Variants in TENM2 observed in about 807,000 individuals in gnomAD.
TENM2 encodes the protein teneurin-2.
A neutral mutation model predicts 245.2 loss-of-function variants in TENM2; 52 were observed. That is an observed-to-expected ratio of 0.21 (90% CI 0.17 to 0.27). The LOEUF is 0.27. Among genes scored for constraint, TENM2 ranks in the 10% least tolerant of loss-of-function variants. The pLI, the probability that TENM2 is intolerant of heterozygous loss-of-function variation, is 1.00. For synonymous variants in TENM2, 1,363 were observed against 1,438.9 expected, an observed-to-expected ratio of 0.95 and a Z score of 1.19; for missense variants, 3,046 against 3,666.8, an observed-to-expected ratio of 0.83 and a Z score of 4.37.
the TENM2 span, among the ~76,000 whole-genome samples, chr5:167,218,014 CAT>C: frequency 6.6e-6 from 1 of 152,062 alleles, no homozygotes; most frequent in Non-Finnish European, 1.5e-5. Flanking sequence ...AGGGGTAAAA[CAT>C]CGCACTGAGA....
At chr5:167,495,250 T>G (rs925096378) in intron 2 of TENM2, among the ~76,000 whole-genome samples, 1 of 151,684 alleles carries the variant, frequency 6.6e-6, no homozygotes, top group South Asian at 2.1e-4. Context: ...TTTTGTTTTT[T>G]TTTTTTGCAT....
intron 2 of TENM2, among the ~76,000 whole-genome samples, chr5:167,625,165 C>T (rs1385849030): frequency 3.9e-5 from 6 of 152,262 alleles, no homozygotes; most frequent in East Asian, 1.9e-4. Context: ...ATATTCTCAT[C>T]GTAGCAACTC....
chr5:167,607,192 A>G (rs913408298), intron 2 of TENM2, among the ~76,000 whole-genome samples: 48 of 152,224 alleles, frequency 3.2e-4, no homozygotes, highest in Admixed American at 1.3e-3. Flanking sequence ...ATGTCTCTCT[A>G]CTATTAGAGA....
the TENM2 span, among the ~76,000 whole-genome samples, chr5:167,068,618 A>G: frequency 6.6e-6 from 1 of 152,216 alleles, no homozygotes; most frequent in Non-Finnish European, 1.5e-5. Flanking sequence ...GAATACTCAC[A>G]TTTCAAATAC....
At chr5:167,720,897 C>T (rs1294119081) in intron 2 of TENM2, among the ~76,000 whole-genome samples, 1 of 152,144 alleles carries the variant, frequency 6.6e-6, no homozygotes, top group African/African-American at 2.4e-5. Flanking sequence ...AGAAGAGGAT[C>T]TGGAATGAAC....
At chr5:167,034,644 A>G in the TENM2 span, among the ~76,000 whole-genome samples, 1 of 150,338 alleles carries the variant, frequency 6.7e-6, no homozygotes, top group Non-Finnish European at 1.5e-5. Flanking sequence ...AAAAAAAAAA[A>G]AAAAAAAAAG....
intron 2 of TENM2, among the ~76,000 whole-genome samples, chr5:167,573,615 A>G (rs1275203321): frequency 1.3e-5 from 2 of 151,490 alleles, no homozygotes; most frequent in African/African-American, 4.9e-5. Context: ...TTTGATGCAC[A>G]TACGTTGTCA....
chr5:168,082,579 T>C (rs921577555), intron 7 of TENM2, among the ~76,000 whole-genome samples: 3 of 152,194 alleles, frequency 2.0e-5, no homozygotes, highest in African/African-American at 7.2e-5. Context: ...TTTTGGTCTT[T>C]GATGATGGTG....
intron 1 of TENM2, among the ~76,000 whole-genome samples, chr5:167,285,765 G>A (rs577949551): frequency 3.3e-5 from 5 of 152,336 alleles, no homozygotes; most frequent in South Asian, 2.1e-4. Context: ...TCCCAGCCTC[G>A]CTGTGTGTGC....
chr5:168,095,394 C>T (rs868533909), intron 8 of TENM2, among the ~76,000 whole-genome samples: 1 of 152,176 alleles, frequency 6.6e-6, no homozygotes. Context: ...TAAGCTATTC[C>T]TCTGACCTGG....
At chr5:167,203,529 G>A in the TENM2 span, among the ~76,000 whole-genome samples, 2 of 152,092 alleles carry the variant, frequency 1.3e-5, no homozygotes, top group African/African-American at 2.4e-5. Context: ...TTTCTTCCTC[G>A]AACTGTAGTA....
At chr5:167,634,937 A>G (rs1446249740) in intron 2 of TENM2, among the ~76,000 whole-genome samples, 1 of 152,208 alleles carries the variant, frequency 6.6e-6, no homozygotes, top group East Asian at 1.9e-4. Context: ...ATTGATTTTC[A>G]GTTGATGGGT....
chr5:167,910,043 C>T (rs1324213355), intron 3 of TENM2, among the ~76,000 whole-genome samples: 1 of 151,812 alleles, frequency 6.6e-6, no homozygotes, highest in African/African-American at 2.4e-5. Context: ...AGGACTTCCA[C>T]AAAATGAGAT....
intron 2 of TENM2, among the ~76,000 whole-genome samples, chr5:167,760,930 G>A (rs1484730053): frequency 6.6e-6 from 1 of 151,902 alleles, no homozygotes; most frequent in Non-Finnish European, 1.5e-5. Flanking sequence ...GGATTACAGG[G>A]GTGAGCCACC....
rs749161567 is a variant in TENM2, at chr5:168,247,185, A to G, written c.6246A>G (p.Glu2082=). ...AGCAGATCTACAGGTTCTCCGAGGAAGGCATGGTCAATGCCAGGTTTGACT... is the reference window on the plus strand; with the variant it reads ...AGCAGATCTACAGGTTCTCCGAGGAGGGCATGGTCAATGCCAGGTTTGACT... The change falls in exon 27 of 29, where the codon GAA becomes GAG. Residue 2082 remains glutamate, a synonymous_variant. Coordinates refer to ENST00000518659, the Ensembl canonical transcript of TENM2. This position sits in a 1 kb window ranked among gnomAD's most constrained non-coding sequence, Gnocchi z 7.8. 1.9e-6 allele frequency: 3 copies of G among 1,613,928 alleles called. No individual in the cohort carries two copies. The highest frequency in any genetic ancestry group is 2.5e-6 in the Non-Finnish European group (3 of 1,179,892).
chr5:167,028,435 G>C, the TENM2 span, among the ~76,000 whole-genome samples: 1 of 151,984 alleles, frequency 6.6e-6, no homozygotes, highest in Middle Eastern at 3.4e-3. Flanking sequence ...ATTTAATGTT[G>C]ATTTACCCAT....
intron 12 of TENM2, among the ~76,000 whole-genome samples, chr5:168,132,554 G>A (rs779992569): frequency 8.5e-5 from 13 of 152,208 alleles, no homozygotes; most frequent in Non-Finnish European, 1.5e-4. Flanking sequence ...TGATGGACTA[G>A]CTTGTGGCTC....
chr5:167,746,501 A>G (rs147900662), intron 2 of TENM2, among the ~76,000 whole-genome samples: 7 of 152,294 alleles, frequency 4.6e-5, no homozygotes, highest in African/African-American at 1.4e-4. Flanking sequence ...GGTCAGCATA[A>G]TGGGATGACC....
At chr5:167,772,709 G>A (rs1257057223) in intron 2 of TENM2, among the ~76,000 whole-genome samples, 1 of 151,772 alleles carries the variant, frequency 6.6e-6, no homozygotes, top group East Asian at 1.9e-4. Flanking sequence ...CCAAGTTTAA[G>A]CACCTATAAT....
Sources: gnomAD v4.1 joint callset for allele counts (sites outside exome capture counted in the v4.1 genomes callset) on GRCh38, gnomAD v4.1.1 for gene constraint, Gnocchi (gnomAD v3.1) non-coding constraint, MANE v1.5 for transcripts, NCBI Gene and HGNC (gene_info 2026-07-23, HGNC 2026-07-21) for gene names.